SLC17A3: variants seen among roughly 807,000 people sequenced by gnomAD.
SLC17A3 encodes the protein solute carrier family 17 member 3, also known as sodium-dependent phosphate transport protein 4.
Under a neutral mutation model 60.3 loss-of-function variants are expected in SLC17A3, and 61 were observed. The ratio of observed to expected loss-of-function variants is 1.01; its 90% CI spans 0.82 to 1.25. SLC17A3 has a LOEUF of 1.25. Ranked by LOEUF, SLC17A3 falls within the 50% of genes most tolerant of loss-of-function variation. SLC17A3 has a pLI of 0.00. For missense variants in SLC17A3, 624 were observed against 594.9 expected, an observed-to-expected ratio of 1.05 and a Z score of -0.51; for synonymous variants, 192 against 208.9, an observed-to-expected ratio of 0.92 and a Z score of 0.70.
intron 11 of SLC17A3, among the ~76,000 whole-genome samples, chr6:25,848,116 T>C (rs532786251): frequency 2.0e-5 from 3 of 152,350 alleles, no homozygotes; most frequent in East Asian, 3.9e-4. Flanking sequence ...ATCATATATA[T>C]GTATACCACA....
chr6:25,862,120 A>G, intron 3 of SLC17A3, 91 bp from the exon 4 acceptor site: 2 of 1,400,770 alleles, frequency 1.4e-6, no homozygotes, highest in Non-Finnish European at 2.0e-6. Flanking sequence ...GCTTGCTTTC[A>G]AATCACTATT....
chr6:25,866,131 G>C (rs530796294), intron 2 of SLC17A3, among the ~76,000 whole-genome samples: 1 of 151,850 alleles, frequency 6.6e-6, no homozygotes, highest in South Asian at 2.1e-4. Context: ...AACAGAATAC[G>C]GCAAAGGTGA....
chr6:25,865,183 C>T (rs967021973), intron 2 of SLC17A3, among the ~76,000 whole-genome samples: 3 of 151,980 alleles, frequency 2.0e-5, no homozygotes, highest in Admixed American at 2.0e-4. Context: ...ACTACTGTAG[C>T]ACATATATAT....
intron 11 of SLC17A3, 81 bp downstream of exon 11, chr6:25,849,293 A>C: frequency 2.5e-6 from 2 of 814,552 alleles, no homozygotes; most frequent in Non-Finnish European, 2.1e-6. Context: ...TTTATTTTTC[A>C]GTCTTTGAAT....
intron 11 of SLC17A3, among the ~76,000 whole-genome samples, chr6:25,847,972 C>T (rs1457091630): frequency 6.6e-6 from 1 of 152,168 alleles, no homozygotes; most frequent in Non-Finnish European, 1.5e-5. Context: ...GTTTAGCTCC[C>T]ACTTGTGAGT....
At chr6:25,852,488 T>C (rs990114599) in intron 6 of SLC17A3, among the ~76,000 whole-genome samples, 28 of 152,172 alleles carry the variant, frequency 1.8e-4, no homozygotes, top group African/African-American at 6.8e-4. Flanking sequence ...ACTCCACAAC[T>C]TACTGATGTT....
chr6:25,847,807 C>T (rs1226198594), intron 11 of SLC17A3, among the ~76,000 whole-genome samples: 17 of 151,730 alleles, frequency 1.1e-4, no homozygotes, highest in Admixed American at 1.1e-3. Context: ...TGAGTAAGTT[C>T]TTTAGTGGTG....
chr6:25,873,719 A>G lies in SLC17A3; in HGVS notation c.-34+448T>C, dbSNP rs1439116083. Among the ~76,000 whole-genome samples the G allele has an allele frequency of 3.9e-5, 6 of 152,066 alleles. No homozygotes were observed. In the East Asian group the frequency reaches 1.2e-3, roughly 30 times the overall value. The stretch of plus-strand genomic sequence containing the variant: ...CCAGAGCCACCCTAGCCATTGGTAT[A>G]ATAGAAATAATTATTATTGCCACTC... On this transcript the variant is annotated intron_variant, in intron 1 of 12. Transcript: ENST00000397060.
chr6:25,860,347 C>A (rs747807168), intron 5 of SLC17A3, among the ~76,000 whole-genome samples: 11 of 152,156 alleles, frequency 7.2e-5, no homozygotes, highest in Non-Finnish European at 1.6e-4. Context: ...AGCCCTTCCA[C>A]TAAAGGCAGG....
intron 1 of SLC17A3, among the ~76,000 whole-genome samples, chr6:25,873,288 A>T (rs1765673854): frequency 6.6e-6 from 1 of 151,886 alleles, no homozygotes; most frequent in Non-Finnish European, 1.5e-5. Flanking sequence ...AGCTCTCTTT[A>T]TTTTCCACTA....
chr6:25,848,964 G>T (rs1024014171), intron 11 of SLC17A3, among the ~76,000 whole-genome samples: 1 of 152,114 alleles, frequency 6.6e-6, no homozygotes, highest in African/African-American at 2.4e-5. Context: ...AAAGAAGAAC[G>T]TGTATGTCTT....
chr6:25,871,670 G>T (rs1765644772), intron 1 of SLC17A3, among the ~76,000 whole-genome samples: 1 of 151,938 alleles, frequency 6.6e-6, no homozygotes, highest in Non-Finnish European at 1.5e-5. Context: ...AAGACTCTGG[G>T]TTCTCTGAAT....
intron 5 of SLC17A3, among the ~76,000 whole-genome samples, chr6:25,855,972 C>T (rs539787474): frequency 1.9e-4 from 29 of 152,026 alleles, no homozygotes; most frequent in Non-Finnish European, 3.1e-4. Flanking sequence ...GTCTTGTAAG[C>T]GTTTTTATGT....
chr6:25,868,941 T>C (rs963226406), intron 1 of SLC17A3, among the ~76,000 whole-genome samples: 2 of 151,942 alleles, frequency 1.3e-5, no homozygotes, highest in African/African-American at 2.4e-5. Flanking sequence ...TACCTGCACC[T>C]GAGAACCTGG....
chr6:25,854,019 T>C (rs1187726791), intron 6 of SLC17A3, among the ~76,000 whole-genome samples: 1 of 152,190 alleles, frequency 6.6e-6, no homozygotes, highest in Non-Finnish European at 1.5e-5. Context: ...TCCAGAGGCT[T>C]TTCTGTCACT....
chr6:25,871,587 T>G (rs1195261361), intron 1 of SLC17A3, among the ~76,000 whole-genome samples: 1 of 151,814 alleles, frequency 6.6e-6, no homozygotes, highest in Non-Finnish European at 1.5e-5. Flanking sequence ...TGTATACATA[T>G]GTAACAAACC....
chr6:25,848,250 T>C (rs1392775837), intron 11 of SLC17A3, among the ~76,000 whole-genome samples: 1 of 152,224 alleles, frequency 6.6e-6, no homozygotes. Flanking sequence ...TTCTTTTCTC[T>C]GGGTAGAAAC....
In SLC17A3 at chr6:25,868,296, C is replaced by T. The variant is rs1765571173; in HGVS notation, c.91+1G>A. 6.2e-7 allele frequency: 1 copy of T among 1,610,846 alleles called. No homozygotes were observed. The highest frequency in any genetic ancestry group is 8.5e-7 in the Non-Finnish European group (1 of 1,177,732). On this transcript the variant is annotated splice_donor_variant, in intron 2 of 12. Coordinates refer to ENST00000397060, the MANE Select transcript of SLC17A3 (RefSeq NM_001098486.2). LOFTEE classifies it high-confidence loss of function. ...AACCAAGCAGTTGAGGTCAAATTTA[C>T]CTTTCCTGGGGATCAGTGTCTCATC...
intron 5 of SLC17A3, among the ~76,000 whole-genome samples, chr6:25,860,120 T>C (rs1765423521): frequency 6.6e-6 from 1 of 152,204 alleles, no homozygotes; most frequent in African/African-American, 2.4e-5. Flanking sequence ...TGCTGTATGA[T>C]ATTGCATTAT....
Sources: allele counts gnomAD v4.1 joint callset (sites outside exome capture counted in the v4.1 genomes callset), GRCh38; gene constraint gnomAD v4.1.1; transcripts MANE v1.5; gene names NCBI Gene and HGNC (gene_info 2026-07-23, HGNC 2026-07-21).